The following SLC13A3 variants were observed in gnomAD, a reference collection of about 807,000 sequenced individuals.
SLC13A3 encodes Na(+)/dicarboxylate cotransporter 3.
SLC13A3 carries 40 observed loss-of-function variants against 59.0 expected under a neutral mutation model. The observed-to-expected ratio is 0.68, with a 90% CI of 0.53 to 0.88. The LOEUF is 0.88. Ranked by LOEUF, SLC13A3 falls within the 40% of genes least tolerant of loss-of-function variation. SLC13A3 has a pLI of 0.00. For missense variants in SLC13A3, 699 were observed against 783.2 expected, an observed-to-expected ratio of 0.89 and a Z score of 1.28; for synonymous variants, 317 against 330.3, an observed-to-expected ratio of 0.96 and a Z score of 0.44.
At chr20:46,578,220 A>G (rs1466472983) in intron 9 of SLC13A3, among the ~76,000 whole-genome samples, 1 of 151,266 alleles carries the variant, frequency 6.6e-6, no homozygotes, top group East Asian at 2.0e-4. Flanking sequence ...GTGAGCCACC[A>G]CGCCCGGTCA....
chr20:46,655,088 A>G (rs1029910163), upstream of SLC13A3, among the ~76,000 whole-genome samples: 4 of 151,618 alleles, frequency 2.6e-5, no homozygotes, highest in Admixed American at 1.3e-4. Context: ...TTGAATAAAT[A>G]TTTTCCAAGA....
chr20:46,675,318 C>G (rs2063117882), intron 1 of SLC13A3, among the ~76,000 whole-genome samples: 1 of 151,892 alleles, frequency 6.6e-6, no homozygotes, highest in South Asian at 2.1e-4. Context: ...CAACCTCTGC[C>G]TCCCAGGTTC....
At chr20:46,669,808 G>T (rs2063081322) in intron 1 of SLC13A3, among the ~76,000 whole-genome samples, 1 of 152,130 alleles carries the variant, frequency 6.6e-6, no homozygotes, top group Non-Finnish European at 1.5e-5. Flanking sequence ...CCTGATTTTT[G>T]ATGGTTAGAC....
chr20:46,660,992 G>T (rs1184344900), intron 1 of SLC13A3, among the ~76,000 whole-genome samples: 1 of 151,848 alleles, frequency 6.6e-6, no homozygotes, highest in Non-Finnish European at 1.5e-5. Context: ...TAGTTTCCAG[G>T]TCTCTGCTGA....
chr20:46,648,966 CAT>C (rs1273917205), intron 1 of SLC13A3, among the ~76,000 whole-genome samples: 2 of 150,842 alleles, frequency 1.3e-5, no homozygotes. Context: ...CACACACACA[CAT>C]AAAGGAGTAC....
chr20:46,594,982 T>C (rs1227860976), intron 5 of SLC13A3, among the ~76,000 whole-genome samples: 2 of 152,174 alleles, frequency 1.3e-5, no homozygotes, highest in Non-Finnish European at 2.9e-5. Flanking sequence ...CTCGGGGAGA[T>C]CAGCAGGGCC....
chr20:46,589,367 C>T, intron 6 of SLC13A3, 112 bp from the exon 7 acceptor site: 1 of 797,898 alleles, frequency 1.3e-6, no homozygotes, highest in South Asian at 1.6e-5. Context: ...CGGGAGGCTG[C>T]AACTGCCTGA....
At chr20:46,649,095 G>C (rs1354410053) in intron 1 of SLC13A3, among the ~76,000 whole-genome samples, 1 of 152,096 alleles carries the variant, frequency 6.6e-6, no homozygotes, top group Non-Finnish European at 1.5e-5. Flanking sequence ...TGCCTCTCTG[G>C]TTGTTGTGGG....
At chr20:46,565,977 C>G (rs8116783) in intron 11 of SLC13A3, among the ~76,000 whole-genome samples, 4,229 of 152,302 alleles carry the variant, frequency 0.028, 212 homozygotes, top group African/African-American at 0.096. Context: ...AGAAAACTCT[C>G]CATGTCACCA....
chr20:46,579,753 A>T (rs2062116420), intron 9 of SLC13A3, among the ~76,000 whole-genome samples: 1 of 152,234 alleles, frequency 6.6e-6, no homozygotes, highest in Non-Finnish European at 1.5e-5. Flanking sequence ...AACTTGAATG[A>T]GTTGCCAATA....
intron 1 of SLC13A3, among the ~76,000 whole-genome samples, chr20:46,643,525 G>A (rs1287551593): frequency 6.6e-6 from 1 of 152,292 alleles, no homozygotes; most frequent in South Asian, 2.1e-4. Context: ...AAGCCAGAGC[G>A]CTGGGAGCAG....
chr20:46,643,332 T>C (rs6017955), intron 1 of SLC13A3, among the ~76,000 whole-genome samples: 6,053 of 152,224 alleles, frequency 0.04, 367 homozygotes, highest in African/African-American at 0.13. Context: ...TTTTCTATTT[T>C]AGATAGGGTC....
intron 3 of SLC13A3, chr20:46,608,605 C>A (rs3764693): frequency 0.32 from 90,193 of 285,636 alleles, 14,889 homozygotes; most frequent in South Asian, 0.42. Flanking sequence ...TTCTAGTGTT[C>A]AGGGTTGCTG....
At chr20:46,574,896 A>C (rs2062060218) in intron 10 of SLC13A3, among the ~76,000 whole-genome samples, 1 of 146,302 alleles carries the variant, frequency 6.8e-6, no homozygotes. Context: ...GGAGTACAGT[A>C]TTATGATCAT....
At position 46,628,803 on chromosome 20, in the gene SLC13A3, A is replaced by G. The variant is rs1038403871; in HGVS notation, c.112-15078T>C. ...CAGCCACATGGGACTAGGGTCCACCATTCTGAACAGAGCAGATATGGAACA... is the reference window on the plus strand; with the variant it reads ...CAGCCACATGGGACTAGGGTCCACCGTTCTGAACAGAGCAGATATGGAACA... On this transcript the variant is annotated intron_variant, in intron 1 of 12. Coordinates refer to ENST00000279027, the MANE Select transcript of SLC13A3 (RefSeq NM_022829.6). Among the ~76,000 whole-genome samples, 3 of 152,264 alleles carry G rather than the reference A, an allele frequency of 2.0e-5. No homozygotes were observed. The South Asian group carries it at 6.2e-4, about 32-fold the overall frequency.
intron 1 of SLC13A3, among the ~76,000 whole-genome samples, chr20:46,639,484 A>C (rs948406894): frequency 6.6e-6 from 1 of 152,112 alleles, no homozygotes; most frequent in African/African-American, 2.4e-5. Flanking sequence ...AAACAAAAAA[A>C]CAAAAAACCA....
Position 46,559,831 on chromosome 20 carries a change from C to T in SLC13A3, c.*191G>A, listed in dbSNP as rs908226191. 11 of 569,258 alleles carry T rather than the reference C, an allele frequency of 1.9e-5. No homozygotes were observed. The highest frequency in any genetic ancestry group is 3.4e-5 in the Non-Finnish European group (11 of 323,810). The allele number at this position is 569,258 out of a possible 1,614,324, so 35.3% of individuals were successfully genotyped here. ...ATCTGAGAGATACCTGGGCTTTGAACTGCATGAAAGAGAGAGAAAGTATCC... is the reference window on the plus strand; with the variant it reads ...ATCTGAGAGATACCTGGGCTTTGAATTGCATGAAAGAGAGAGAAAGTATCC... On this transcript the variant is annotated 3_prime_UTR_variant, in exon 13 of 13. Coordinates refer to ENST00000279027, the MANE Select transcript of SLC13A3 (RefSeq NM_022829.6).
At chr20:46,631,169 T>C (rs1358257445) in intron 1 of SLC13A3, among the ~76,000 whole-genome samples, 4 of 152,192 alleles carry the variant, frequency 2.6e-5, no homozygotes, top group Admixed American at 2.6e-4. Flanking sequence ...GGACACGTTT[T>C]AGTCTCACGA....
chr20:46,588,299 C>T (rs2062215190), intron 7 of SLC13A3, 136 bp from the exon 8 acceptor site: 1 of 553,318 alleles, frequency 1.8e-6, no homozygotes, highest in Non-Finnish European at 3.2e-6. Flanking sequence ...TCATCCACTC[C>T]CCAGGGAGTG....
Sources: gnomAD v4.1 joint callset for allele counts (sites outside exome capture counted in the v4.1 genomes callset) on GRCh38, gnomAD v4.1.1 for gene constraint, MANE v1.5 for transcripts, NCBI Gene and HGNC (gene_info 2026-07-23, HGNC 2026-07-21) for gene names.